Variants in GALNT13 observed in about 807,000 individuals in gnomAD.
GALNT13 encodes the protein UDP-GalNAc:polypeptide N-acetylgalactosaminyltransferase 13.
GALNT13 carries 28 observed loss-of-function variants against 64.2 expected under a neutral mutation model. The observed-to-expected ratio is 0.44, with a 90% CI of 0.32 to 0.60. GALNT13 has a LOEUF of 0.60. Among genes scored for constraint, GALNT13 ranks in the 20% least tolerant of loss-of-function variants. GALNT13 has a pLI of 0.05. For synonymous variants in GALNT13, 214 were observed against 224.6 expected (o/e 0.95, Z 0.42); for missense variants, 577 against 669.8 (o/e 0.86, Z 1.53).
At chr2:154,255,092 A>T (rs1690298880) in intron 7 of GALNT13, among the ~76,000 whole-genome samples, 2 of 152,226 alleles carry the variant, frequency 1.3e-5, no homozygotes, top group African/African-American at 4.8e-5. Context: ...GAATCATAAA[A>T]TTAACAATCA....
At chr2:153,594,361 G>A in the GALNT13 span, among the ~76,000 whole-genome samples, 1 of 152,036 alleles carries the variant, frequency 6.6e-6, no homozygotes, top group South Asian at 2.1e-4. Flanking sequence ...TATAACATTT[G>A]CCTTGGGTGA....
At chr2:153,527,665 C>T in the GALNT13 span, among the ~76,000 whole-genome samples, 1 of 151,888 alleles carries the variant, frequency 6.6e-6, no homozygotes, top group Admixed American at 6.6e-5. Context: ...AAACTACTAC[C>T]CTAAGTAGAA....
At chr2:154,060,997 A>G (rs1700151029) in intron 3 of GALNT13, among the ~76,000 whole-genome samples, 1 of 149,974 alleles carries the variant, frequency 6.7e-6, no homozygotes, top group South Asian at 2.1e-4. Flanking sequence ...TATATCAAGC[A>G]TTATGAGTCA....
the GALNT13 span, among the ~76,000 whole-genome samples, chr2:153,807,877 A>G: frequency 6.6e-6 from 1 of 152,102 alleles, no homozygotes. Flanking sequence ...CTTTATTTAT[A>G]GGAATTCAGT....
chr2:154,309,827 A>G (rs1458059701), intron 9 of GALNT13, among the ~76,000 whole-genome samples: 1 of 152,128 alleles, frequency 6.6e-6, no homozygotes, highest in Non-Finnish European at 1.5e-5. Context: ...GACCTTCCCA[A>G]ACCAAATTAT....
At chr2:154,283,485 T>C (rs1039594200) in intron 8 of GALNT13, among the ~76,000 whole-genome samples, 5 of 151,812 alleles carry the variant, frequency 3.3e-5, no homozygotes, top group African/African-American at 9.7e-5. Context: ...GAGAATGGTA[T>C]CTTTAATTTC....
chr2:153,853,880 TATAAG>T, the GALNT13 span, among the ~76,000 whole-genome samples: 1 of 151,756 alleles, frequency 6.6e-6, no homozygotes, highest in African/African-American at 2.4e-5. Flanking sequence ...GAAAAAGAGT[TATAAG>T]AGAGGAATTA....
the GALNT13 span, among the ~76,000 whole-genome samples, chr2:153,856,035 A>T: frequency 6.6e-6 from 1 of 152,174 alleles, no homozygotes; most frequent in African/African-American, 2.4e-5. Flanking sequence ...GTAGAGACAG[A>T]AAAAATATTT....
chr2:153,687,410 A>AT, the GALNT13 span, among the ~76,000 whole-genome samples: 1 of 151,726 alleles, frequency 6.6e-6, no homozygotes, highest in Admixed American at 6.6e-5. Flanking sequence ...TTTCTTCTAG[A>AT]TTTTCTAGTT....
the GALNT13 span, among the ~76,000 whole-genome samples, chr2:153,580,226 C>G: frequency 6.6e-6 from 1 of 152,022 alleles, no homozygotes. Flanking sequence ...AGTAACGAAT[C>G]TTTCATACAA....
chr2:153,503,145 T>C, the GALNT13 span, among the ~76,000 whole-genome samples: 22 of 152,216 alleles, frequency 1.4e-4, no homozygotes, highest in Admixed American at 1.4e-3. Context: ...GGTCATGAAG[T>C]CTTTGCCTAA....
the GALNT13 span, among the ~76,000 whole-genome samples, chr2:153,151,165 C>T: frequency 6.6e-6 from 1 of 151,950 alleles, no homozygotes; most frequent in East Asian, 1.9e-4. Context: ...TTGTAGTTCT[C>T]CTTGAGGAGG....
intron 2 of GALNT13, among the ~76,000 whole-genome samples, chr2:153,901,630 A>G (rs1688240897): frequency 6.6e-6 from 1 of 152,092 alleles, no homozygotes; most frequent in African/African-American, 2.4e-5. Flanking sequence ...GTAGAGAAAT[A>G]TACCTCTGCC....
At chr2:154,444,034 T>C (rs553129489) in intron 12 of GALNT13, among the ~76,000 whole-genome samples, 1 of 152,224 alleles carries the variant, frequency 6.6e-6, no homozygotes, top group Non-Finnish European at 1.5e-5. Flanking sequence ...GGATGTCACA[T>C]TGTCTTCAAA....
At chr2:154,296,646 G>C (rs1166370341) in intron 8 of GALNT13, among the ~76,000 whole-genome samples, 1 of 152,196 alleles carries the variant, frequency 6.6e-6, no homozygotes, top group African/African-American at 2.4e-5. Flanking sequence ...ATGTCTGAGA[G>C]AGAGAGAGGA....
At chr2:153,800,074 CT>C in the GALNT13 span, among the ~76,000 whole-genome samples, 3 of 141,444 alleles carry the variant, frequency 2.1e-5, no homozygotes, top group South Asian at 4.4e-4. Context: ...CTCTCTCTCT[CT>C]CTCTCTCTCC....
rs537634152 is a variant in GALNT13 at position 154,174,639 on chromosome 2, C to T, written c.311+34134C>T. 3.3e-5 allele frequency among the ~76,000 whole-genome samples: 5 copies of T among 152,222 alleles called. 1 individual carries two copies. In the South Asian group the frequency reaches 1.0e-3, roughly 32 times the overall value. On this transcript the variant is annotated intron_variant, in intron 4 of 12. Coordinates refer to ENST00000392825, the MANE Select transcript of GALNT13 (RefSeq NM_052917.4). ...GGAGTGTTTGAGTTTATTAGGTTTA[C>T]TTAAAGATATAACCTTTATTTCCTT...
chr2:154,439,978 AC>A (rs1284562660), intron 12 of GALNT13, among the ~76,000 whole-genome samples: 1 of 152,140 alleles, frequency 6.6e-6, no homozygotes, highest in African/African-American at 2.4e-5. Context: ...ATTTATTGGT[AC>A]CATCCTTGAT....
At chr2:153,335,402 T>C in the GALNT13 span, among the ~76,000 whole-genome samples, 2 of 152,162 alleles carry the variant, frequency 1.3e-5, no homozygotes, top group Non-Finnish European at 2.9e-5. Context: ...CAAAATTCTA[T>C]GGTGATATGG....
Sources: allele counts gnomAD v4.1 joint callset (sites outside exome capture counted in the v4.1 genomes callset), GRCh38; gene constraint gnomAD v4.1.1; transcripts MANE v1.5; gene names NCBI Gene and HGNC (gene_info 2026-07-23, HGNC 2026-07-21).